SEC14L1: variants seen among roughly 807,000 people sequenced by gnomAD.
The protein encoded by SEC14L1 is SEC14 like lipid binding 1, also known as SEC14-like protein 1.
In SEC14L1, 48 loss-of-function variants were observed where a neutral mutation model predicts 85.3. The ratio of observed to expected loss-of-function variants is 0.56; its 90% CI spans 0.45 to 0.72. SEC14L1 has a LOEUF of 0.72. Among genes scored for constraint, SEC14L1 ranks in the 30% least tolerant of loss-of-function variants. The probability of loss-of-function intolerance (pLI) is 0.00; values close to 1 mark genes in which losing one functional copy is unlikely to be tolerated. For synonymous variants in SEC14L1, 391 were observed against 355.5 expected (o/e 1.10, Z -1.12); for missense variants, 682 against 921.4 (o/e 0.74, Z 3.36).
rs189126627 is a variant in SEC14L1, at chr17:77,162,995, G to T, written c.63+19336G>T. ...AAAGCTATTTAGTTTGAGAATATTG[G>T]CCACGTACCAGGGAGACAGGGGAGT... is the stretch of plus-strand genomic sequence containing the variant. On this transcript the variant is annotated intron_variant, in intron 3 of 16. Coordinates refer to ENST00000436233, the MANE Select transcript of SEC14L1 (RefSeq NM_001143998.2). 4.0e-4 allele frequency among the ~76,000 whole-genome samples: 61 copies of T among 152,080 alleles called. 1 individual carries two copies. Among genetic ancestry groups the T allele is most frequent in the Admixed American group, 2.8e-3 (43 of 15,274 alleles).
intron 9 of SEC14L1, 58 bp from the exon 10 acceptor site, chr17:77,203,512 G>A: frequency 2.1e-6 from 3 of 1,437,876 alleles, no homozygotes; most frequent in Non-Finnish European, 9.8e-7. Context: ...TCTTAGAGTT[G>A]TATCCTCAGT....
At chr17:77,130,499 G>A (rs1189730142) in intron 3 of SEC14L1, among the ~76,000 whole-genome samples, 2 of 151,970 alleles carry the variant, frequency 1.3e-5, no homozygotes, top group African/African-American at 2.4e-5. Flanking sequence ...GTATTTTTTA[G>A]TAGTGACGGG....
chr17:77,148,414 C>T (rs1973410875), intron 3 of SEC14L1, among the ~76,000 whole-genome samples: 1 of 152,146 alleles, frequency 6.6e-6, no homozygotes, highest in Non-Finnish European at 1.5e-5. Flanking sequence ...GCTCCATTAG[C>T]TCCTGTGCAT....
In SEC14L1 at chr17:77,216,066, GGGCTAGTAGGTAGGGTTAGTAGGTA is replaced by G; in HGVS notation, c.*2046_*2070del. On this transcript the variant is annotated 3_prime_UTR_variant, in exon 17 of 17. Transcript: ENST00000436233. ...GGTTAGTAGGTAGGGCTAGTAGGTAGGGCTAGTAGGTAGGGTTAGTAGGTAGGGCTAGTAGGTAGGGTTCGTAGGT... is the reference window on the plus strand; with the variant it reads ...GGTTAGTAGGTAGGGCTAGTAGGTAGGGGCTAGTAGGTAGGGTTCGTAGGT... 9.9e-7 allele frequency: 1 copy of G among 1,011,358 alleles called. No homozygotes were observed. The highest frequency in any genetic ancestry group is 1.9e-5 in the African/African-American group (1 of 52,656). The allele number at this position is 1,011,358 out of a possible 1,614,324, so 62.6% of individuals were successfully genotyped here.
At chr17:77,115,159 G>C (rs913609457) in intron 3 of SEC14L1, among the ~76,000 whole-genome samples, 1 of 151,660 alleles carries the variant, frequency 6.6e-6, no homozygotes, top group East Asian at 2.0e-4. Flanking sequence ...GGCCGGGCAC[G>C]GTGGCTCATG....
At chr17:77,188,687 C>A (rs1458301225) in intron 3 of SEC14L1, among the ~76,000 whole-genome samples, 1 of 152,002 alleles carries the variant, frequency 6.6e-6, no homozygotes, top group African/African-American at 2.4e-5. Context: ...GGTTGTATAC[C>A]GTTGCATGTT....
Position 77,206,381 on chromosome 17 carries a change from T to G in SEC14L1, c.1322T>G (p.Phe441Cys). 1 of 1,614,112 alleles carries G rather than the reference T, an allele frequency of 6.2e-7. No homozygotes were observed. The highest frequency in any genetic ancestry group is 8.5e-7 in the Non-Finnish European group (1 of 1,179,986). The stretch of plus-strand genomic sequence containing the variant: ...CTCATCCTGCGGGCGCCCAGGGTAT[T>G]TCCTGTGCTCTGGACGCTGGTGGGT... ...RLLILRAPRV[F>C]PVLWTLVSPF... The change falls in exon 12 of 17, where the codon TTT becomes TGT. Residue 441 changes from phenylalanine to cysteine, a missense_variant. Coordinates refer to ENST00000436233, the MANE Select transcript of SEC14L1 (RefSeq NM_001143998.2). The surrounding 1 kb of genome is among the most constrained non-coding windows in gnomAD (Gnocchi z 4.3).
At chr17:77,121,843 A>T (rs939224230) in intron 3 of SEC14L1, among the ~76,000 whole-genome samples, 1 of 152,190 alleles carries the variant, frequency 6.6e-6, no homozygotes, top group African/African-American at 2.4e-5. Context: ...TACTTTGTCC[A>T]GGCCAACGCT....
chr17:77,200,158 T>C (rs1976054079), intron 8 of SEC14L1, among the ~76,000 whole-genome samples: 1 of 152,020 alleles, frequency 6.6e-6, no homozygotes, highest in Non-Finnish European at 1.5e-5. Context: ...AGAATAAGAG[T>C]CCCTGTCTCC....
intron 9 of SEC14L1, among the ~76,000 whole-genome samples, chr17:77,202,781 A>G (rs8080207): frequency 0.6 from 90,756 of 151,404 alleles, 27,375 homozygotes; most frequent in Middle Eastern, 0.71. Context: ...TTAGCCGGGC[A>G]TGGCAGCGTG....
chr17:77,214,321 C>A lies in SEC14L1; in HGVS notation c.*298C>A. The A allele has an allele frequency of 8.8e-7, 1 of 1,134,868 alleles. No homozygotes were observed. The highest frequency in any genetic ancestry group is 1.1e-6 in the Non-Finnish European group (1 of 922,476). The allele number at this position is 1,134,868 out of a possible 1,614,324, so 70.3% of individuals were successfully genotyped here. On this transcript the variant is annotated 3_prime_UTR_variant, in exon 17 of 17. Coordinates refer to ENST00000436233, the MANE Select transcript of SEC14L1 (RefSeq NM_001143998.2). ...GTTTCTGTACCAATTAAAGGATTGACGTGGTCTCAGATATTGATGCAAAAA... is the reference window on the plus strand; with the variant it reads ...GTTTCTGTACCAATTAAAGGATTGAAGTGGTCTCAGATATTGATGCAAAAA...
At chr17:77,144,036 G>A (rs975160838) in intron 3 of SEC14L1, among the ~76,000 whole-genome samples, 2 of 152,116 alleles carry the variant, frequency 1.3e-5, no homozygotes, top group African/African-American at 2.4e-5. Flanking sequence ...CTGCCTATGG[G>A]TGAATTCACT....
intron 9 of SEC14L1, among the ~76,000 whole-genome samples, chr17:77,201,150 G>A (rs1468755641): frequency 6.6e-6 from 1 of 152,146 alleles, no homozygotes; most frequent in African/African-American, 2.4e-5. Context: ...GAAGGGGGGC[G>A]ATGCACCTGA....
chr17:77,092,724 G>C (rs56038813), intron 2 of SEC14L1, among the ~76,000 whole-genome samples: 1 of 151,802 alleles, frequency 6.6e-6, no homozygotes, highest in African/African-American at 2.4e-5. Context: ...TGAGGCGGGC[G>C]GATCACCTGA....
chr17:77,205,309 T>C lies in SEC14L1; in HGVS notation c.1132T>C (p.Cys378Arg). 2 of 1,614,206 alleles carry C rather than the reference T, an allele frequency of 1.2e-6. No individual in the cohort carries two copies. The highest frequency in any genetic ancestry group is 1.7e-6 in the Non-Finnish European group (2 of 1,180,028). The change falls in exon 11 of 17, where the codon TGC becomes CGC. Residue 378 changes from cysteine (C) to arginine (R), a missense_variant. Transcript: ENST00000436233. Reference sequence around the variant, plus strand: ...CATAAATGAAGAAGGGCTAAGGCGATGCGAAGAGAATACAAAAGTCTTTGG... The same window carrying C: ...CATAAATGAAGAAGGGCTAAGGCGACGCGAAGAGAATACAAAAGTCTTTGG... ...LSINEEGLRR[C>R]EENTKVFGRP...
chr17:77,177,963 G>C (rs1974833345), intron 3 of SEC14L1, among the ~76,000 whole-genome samples: 1 of 151,922 alleles, frequency 6.6e-6, no homozygotes, highest in African/African-American at 2.4e-5. Flanking sequence ...TCACAGAGCT[G>C]TCAAATTAGG....
At chr17:77,205,085 C>A (rs1976397734) in intron 10 of SEC14L1, 191 bp from the exon 11 acceptor site, 1 of 567,018 alleles carries the variant, frequency 1.8e-6, no homozygotes, top group Non-Finnish European at 3.2e-6. Flanking sequence ...TATTCTCTTT[C>A]AAAAGTAGAA....
intron 3 of SEC14L1, among the ~76,000 whole-genome samples, chr17:77,098,213 T>A (rs1971693079): frequency 6.6e-6 from 1 of 152,154 alleles, no homozygotes; most frequent in Non-Finnish European, 1.5e-5. Context: ...TATTTCCTGT[T>A]CTAGGCCCGG....
intron 3 of SEC14L1, among the ~76,000 whole-genome samples, chr17:77,135,965 C>T (rs1182997551): frequency 6.6e-6 from 1 of 151,516 alleles, no homozygotes; most frequent in East Asian, 1.9e-4. Flanking sequence ...CTCCATCTCC[C>T]GGGTTCATGC....
Sources: gnomAD v4.1 joint callset for allele counts (sites outside exome capture counted in the v4.1 genomes callset) on GRCh38, gnomAD v4.1.1 for gene constraint, Gnocchi (gnomAD v3.1) non-coding constraint, MANE v1.5 for transcripts, NCBI Gene and HGNC (gene_info 2026-07-23, HGNC 2026-07-21) for gene names.